Variants in NINJ2 observed in about 807,000 individuals in gnomAD.
NINJ2 encodes the protein ninjurin-2.
Under a neutral mutation model 11.7 loss-of-function variants are expected in NINJ2, and 12 were observed. The observed-to-expected ratio is 1.02, with a 90% CI of 0.66 to 1.66. NINJ2 has a LOEUF of 1.66. Ranked by LOEUF, NINJ2 falls within the 40% of genes most tolerant of loss-of-function variation. NINJ2 has a pLI of 0.00. For missense variants in NINJ2, 187 were observed against 181.8 expected (o/e 1.03, Z -0.16); for synonymous variants, 93 against 76.8 (o/e 1.21, Z -1.10).
intron 1 of NINJ2, among the ~76,000 whole-genome samples, chr12:622,434 AGG>A (rs1948164880): frequency 2.3e-4 from 33 of 144,306 alleles, no homozygotes; most frequent in African/African-American, 7.0e-4. Context: ...AAAAAAAAAA[AGG>A]AAAGAAAGAA....
intron 1 of NINJ2, among the ~76,000 whole-genome samples, chr12:597,174 T>C (rs1415734813): frequency 3.3e-5 from 5 of 152,218 alleles, no homozygotes; most frequent in Non-Finnish European, 7.3e-5. Context: ...TTGGTAGTTG[T>C]AGGCTGTGGG....
At chr12:576,646 G>A (rs1947465470) in intron 1 of NINJ2, among the ~76,000 whole-genome samples, 1 of 152,160 alleles carries the variant, frequency 6.6e-6, no homozygotes, top group African/African-American at 2.4e-5. Context: ...GGCGCGAGCC[G>A]CCACCCCGGC....
intron 1 of NINJ2, among the ~76,000 whole-genome samples, chr12:639,599 T>C (rs1317517022): frequency 1.3e-5 from 2 of 152,236 alleles, no homozygotes; most frequent in African/African-American, 4.8e-5. Flanking sequence ...GCTCCGTTTA[T>C]GGACTTGTAG....
chr12:602,894 G>A (rs1405905016), intron 1 of NINJ2, among the ~76,000 whole-genome samples: 2 of 151,938 alleles, frequency 1.3e-5, no homozygotes, highest in African/African-American at 2.4e-5. Context: ...GTGCAGTGGT[G>A]CCATCATGGC....
intron 1 of NINJ2, among the ~76,000 whole-genome samples, chr12:634,262 G>GTTTTTTTTTTTTTTTTT (rs1565643231): frequency 7.9e-5 from 6 of 75,612 alleles, no homozygotes; most frequent in Admixed American, 3.7e-4. Context: ...ATTAGTTGCA[G>GTTTTTTTTTTTTTTTTT]TTCTTTTTTT....
At chr12:651,746 G>A (rs553631903) in intron 1 of NINJ2, among the ~76,000 whole-genome samples, 11 of 152,232 alleles carry the variant, frequency 7.2e-5, no homozygotes, top group African/African-American at 2.2e-4. Flanking sequence ...GTGGAGAGAC[G>A]GACACCCTAA....
At chr12:582,900 A>G (rs1265963883) in intron 1 of NINJ2, among the ~76,000 whole-genome samples, 47 of 40,144 alleles carry the variant, frequency 1.2e-3, no homozygotes, top group Non-Finnish European at 1.6e-3. Flanking sequence ...CAGGCATGCT[A>G]GAGTGAATGA....
chr12:588,016 G>A (rs2607930), intron 1 of NINJ2, among the ~76,000 whole-genome samples: 114,788 of 152,032 alleles, frequency 0.76, 43,440 homozygotes, highest in Middle Eastern at 0.78. Flanking sequence ...TACACTTTAG[G>A]CATGACACGA....
intron 1 of NINJ2, among the ~76,000 whole-genome samples, chr12:650,838 G>A (rs180940080): frequency 1.4e-4 from 21 of 152,284 alleles, no homozygotes; most frequent in African/African-American, 4.8e-4. Context: ...CGAGTAAAAA[G>A]CTGAAGAAAC....
Position 614,953 on chromosome 12 carries a change from A to T in NINJ2, c.33+48375T>A, listed in dbSNP as rs1219738977. ...TCAAAAGATGCAGGCTTGAGGTCTT[A>T]ACTGCTTCCATTTAGCGCACAAGCC... On this transcript the variant is annotated intron_variant, in intron 1 of 3. Transcript: ENST00000305108. This position sits in a 1 kb window ranked among gnomAD's most constrained non-coding sequence, Gnocchi z 5.1. Among the ~76,000 whole-genome samples, 1 of 152,284 alleles carries T rather than the reference A, an allele frequency of 6.6e-6. No homozygotes were observed. The highest frequency in any genetic ancestry group is 1.9e-4 in the East Asian group (1 of 5,174).
At chr12:569,366 G>C (rs1196945377) in intron 1 of NINJ2, among the ~76,000 whole-genome samples, 1 of 152,226 alleles carries the variant, frequency 6.6e-6, no homozygotes, top group African/African-American at 2.4e-5. Flanking sequence ...GCACTCATTA[G>C]GCAAGAGAGT....
At chr12:601,293 T>C (rs780661276) in intron 1 of NINJ2, among the ~76,000 whole-genome samples, 9 of 152,240 alleles carry the variant, frequency 5.9e-5, no homozygotes, top group Non-Finnish European at 1.0e-4. Context: ...ACGCCTGTAA[T>C]CCCAGCACTT....
At chr12:651,776 G>A (rs149054106) in intron 1 of NINJ2, among the ~76,000 whole-genome samples, 15 of 152,328 alleles carry the variant, frequency 9.8e-5, no homozygotes, top group South Asian at 2.1e-4. Context: ...AAAAAGAAAC[G>A]CCAGAGGTCA....
intron 1 of NINJ2, among the ~76,000 whole-genome samples, chr12:641,221 T>C (rs1342163351): frequency 6.6e-6 from 1 of 152,160 alleles, no homozygotes; most frequent in East Asian, 1.9e-4. Flanking sequence ...GCTTCTCCCT[T>C]CTGGAACAGC....
At chr12:662,889 T>A (rs1189285265) in intron 1 of NINJ2, among the ~76,000 whole-genome samples, 1 of 152,170 alleles carries the variant, frequency 6.6e-6, no homozygotes, top group Non-Finnish European at 1.5e-5. Flanking sequence ...ACGGCTCAAG[T>A]TTTTTCCAAC....
At chr12:610,919 G>A (rs1462311639) in intron 1 of NINJ2, among the ~76,000 whole-genome samples, 1 of 151,910 alleles carries the variant, frequency 6.6e-6, no homozygotes, top group African/African-American at 2.4e-5. Context: ...CTTTTTAGTA[G>A]AGACGGGGTT....
intron 1 of NINJ2, among the ~76,000 whole-genome samples, chr12:618,356 GAGTTGGTAATGAGGT>G (rs1948118153): frequency 8.2e-6 from 1 of 122,348 alleles, no homozygotes; most frequent in Admixed American, 8.5e-5. Context: ...TGGGGGTGAG[GAGTTGGTAATGAGGT>G]GGGGGTGAGG....
chr12:604,271 G>C (rs546270086), intron 1 of NINJ2, among the ~76,000 whole-genome samples: 2 of 152,128 alleles, frequency 1.3e-5, no homozygotes, highest in Admixed American at 6.6e-5. Context: ...TATAAGCTGC[G>C]AGGACAAAAT....
At chr12:648,964 A>G (rs566158912) in intron 1 of NINJ2, among the ~76,000 whole-genome samples, 8 of 150,404 alleles carry the variant, frequency 5.3e-5, no homozygotes, top group African/African-American at 2.0e-4. Flanking sequence ...TATATTTTCA[A>G]AGAAGTCATC....
Sources: gnomAD v4.1 joint callset for allele counts (sites outside exome capture counted in the v4.1 genomes callset) on GRCh38, gnomAD v4.1.1 for gene constraint, Gnocchi (gnomAD v3.1) non-coding constraint, MANE v1.5 for transcripts, NCBI Gene and HGNC (gene_info 2026-07-23, HGNC 2026-07-21) for gene names.